The following STX17 variants were observed in gnomAD, a reference collection of about 807,000 sequenced individuals.
STX17 encodes the protein syntaxin 17, also known as syntaxin-17.
STX17 carries 29 observed loss-of-function variants against 35.9 expected under a neutral mutation model. The ratio of observed to expected loss-of-function variants is 0.81; its 90% CI spans 0.60 to 1.10. STX17 has a LOEUF of 1.10. Among genes scored for constraint, STX17 ranks in the 50% least tolerant of loss-of-function variants. The probability of loss-of-function intolerance (pLI) is 0.00; values close to 1 mark genes in which losing one functional copy is unlikely to be tolerated. For synonymous variants in STX17, 92 were observed against 118.3 expected (o/e 0.78, Z 1.44); for missense variants, 312 against 352.3 (o/e 0.89, Z 0.92).
chr9:99,912,447 C>T (rs750776851), intron 1 of STX17, among the ~76,000 whole-genome samples: 3 of 151,720 alleles, frequency 2.0e-5, no homozygotes, highest in African/African-American at 4.8e-5. Flanking sequence ...ATTCTTTGCC[C>T]ACTTTTTAAT....
intron 6 of STX17, among the ~76,000 whole-genome samples, chr9:99,960,689 G>A (rs372309898): frequency 2.6e-4 from 39 of 152,198 alleles, no homozygotes; most frequent in African/African-American, 8.9e-4. Context: ...TGATCCACCC[G>A]CCTCAGCCTC....
chr9:99,912,024 C>T (rs752921335), intron 1 of STX17, among the ~76,000 whole-genome samples: 4 of 152,138 alleles, frequency 2.6e-5, no homozygotes, highest in African/African-American at 4.8e-5. Flanking sequence ...GTCAGGAGTT[C>T]GAGACCAGCT....
intron 1 of STX17, among the ~76,000 whole-genome samples, chr9:99,913,425 C>G (rs761938963): frequency 9.9e-5 from 15 of 151,856 alleles, no homozygotes. Context: ...TGTTTCTTAT[C>G]TATATAATTT....
At chr9:99,948,536 C>T (rs960252318) in intron 3 of STX17, among the ~76,000 whole-genome samples, 17 of 151,948 alleles carry the variant, frequency 1.1e-4, no homozygotes, top group Admixed American at 5.2e-4. Context: ...GCAGTGTAAT[C>T]CTGGGCTACT....
intron 3 of STX17, among the ~76,000 whole-genome samples, chr9:99,945,503 C>T (rs1483913041): frequency 6.6e-6 from 1 of 151,944 alleles, no homozygotes; most frequent in African/African-American, 2.4e-5. Context: ...GTTTTAGATA[C>T]AATCGCTTAA....
At chr9:99,949,366 T>G (rs974468960) in intron 3 of STX17, among the ~76,000 whole-genome samples, 138 of 151,968 alleles carry the variant, frequency 9.1e-4, no homozygotes, top group Non-Finnish European at 1.6e-3. Context: ...ACTAAACTAT[T>G]TTTTTTTCTA....
chr9:99,923,495 C>T (rs1828928009), intron 2 of STX17, among the ~76,000 whole-genome samples: 1 of 152,180 alleles, frequency 6.6e-6, no homozygotes, highest in Non-Finnish European at 1.5e-5. Flanking sequence ...TATACTCTCA[C>T]TCAACAACAA....
In STX17 at chr9:99,951,067, G is replaced by A. The variant is rs774437410; in HGVS notation, c.197G>A (p.Arg66Gln). The A allele has an allele frequency of 6.8e-6, 11 of 1,606,668 alleles. No individual in the cohort carries two copies. The highest frequency in any genetic ancestry group is 3.3e-5 in the South Asian group (3 of 89,758). Residue 66 changes from arginine (R) to glutamine (Q), a missense_variant, in exon 4 of 8, where the codon CGA becomes CAA. Physicochemically the swap from Arg to Gln is conservative, Grantham distance 43. Transcript: ENST00000259400. ...GATTTTTTTCTTTTATAGCAACTCC[G>A]ATCCAATATCCGAGAAATTGAGAAA... ...INAGRTVQQL[R>Q]SNIREIEKLC... is the part of the protein sequence containing the mutation.
chr9:99,967,866 A>G lies in STX17; in HGVS notation c.669+127A>G, dbSNP rs1829947237. On this transcript the variant is annotated intron_variant, in intron 7 of 7. Transcript: ENST00000259400. The stretch of plus-strand genomic sequence containing the variant: ...CAATTAAGGAAATAAGGAAGAAATG[A>G]CACATAGGTAGTGTAAGAAATCAAT... 4.0e-6 allele frequency: 3 copies of G among 755,912 alleles called. No homozygotes were observed. In the East Asian group the frequency reaches 7.7e-5, roughly 20 times the overall value. The allele number at this position is 755,912 out of a possible 1,614,324, so 46.8% of individuals were successfully genotyped here. A position where few individuals can be genotyped will look rare whatever the true frequency, so the allele number is the denominator to read the frequency against.
chr9:99,948,648 G>A (rs187753967), intron 3 of STX17, among the ~76,000 whole-genome samples: 61 of 152,244 alleles, frequency 4.0e-4, no homozygotes, highest in African/African-American at 1.3e-3. Context: ...ACGTAAAGCT[G>A]TTAGCACAAT....
chr9:99,940,007 A>G (rs975906944), intron 3 of STX17, among the ~76,000 whole-genome samples: 1 of 152,186 alleles, frequency 6.6e-6, no homozygotes, highest in Non-Finnish European at 1.5e-5. Context: ...AACTTTACTT[A>G]CAAGATTCTC....
At chr9:99,932,274 C>A (rs528888238) in intron 3 of STX17, among the ~76,000 whole-genome samples, 2 of 152,064 alleles carry the variant, frequency 1.3e-5, no homozygotes, top group African/African-American at 4.8e-5. Context: ...GAAATGAATT[C>A]AAGAGATCAT....
intron 2 of STX17, among the ~76,000 whole-genome samples, chr9:99,923,496 T>C (rs1828928053): frequency 6.6e-6 from 1 of 152,170 alleles, no homozygotes. Flanking sequence ...ATACTCTCAC[T>C]CAACAACAAC....
At chr9:99,962,120 A>G (rs953797169) in intron 6 of STX17, among the ~76,000 whole-genome samples, 3 of 152,086 alleles carry the variant, frequency 2.0e-5, no homozygotes, top group Non-Finnish European at 4.4e-5. Context: ...TCTACAATAT[A>G]ATTTCTAGGC....
intron 2 of STX17, among the ~76,000 whole-genome samples, chr9:99,928,395 G>A (rs928446980): frequency 3.3e-5 from 5 of 151,556 alleles, no homozygotes; most frequent in East Asian, 1.9e-4. Context: ...CATGACAAAC[G>A]TACAATTCTT....
chr9:99,931,018 C>T (rs1231206833), intron 3 of STX17, among the ~76,000 whole-genome samples: 1 of 152,066 alleles, frequency 6.6e-6, no homozygotes, highest in Non-Finnish European at 1.5e-5. Context: ...GCTCTTTCGC[C>T]CAGGCTGGAG....
At chr9:99,941,858 T>C (rs1474644768) in intron 3 of STX17, among the ~76,000 whole-genome samples, 1 of 152,210 alleles carries the variant, frequency 6.6e-6, no homozygotes, top group East Asian at 1.9e-4. Flanking sequence ...ATATTCTATT[T>C]AATGAACATA....
chr9:99,960,244 A>G lies in STX17; in HGVS notation c.582+89A>G, dbSNP rs369732290. On this transcript the variant is annotated intron_variant, in intron 6 of 7. Coordinates refer to ENST00000259400, the MANE Select transcript of STX17 (RefSeq NM_017919.3). ...CACTAGGCTTTTAATTAGAATTTTA[A>G]TAGAACTTATAATTTTTAAGACTGG... 137 of 1,303,894 alleles carry G rather than the reference A, an allele frequency of 1.1e-4. No homozygotes were observed. The East Asian group carries it at 2.6e-3, about 25-fold the overall frequency. 80.8% of individuals were successfully genotyped at this position (1,303,894 alleles called of 1,614,324 possible). A position where few individuals can be genotyped will look rare whatever the true frequency, so the allele number is the denominator to read the frequency against.
rs759800383 is a variant in STX17, at chr9:99,967,853, T to C, written c.669+114T>C. On this transcript the variant is annotated intron_variant, in intron 7 of 7. Coordinates refer to ENST00000259400, the MANE Select transcript of STX17 (RefSeq NM_017919.3). ...TTGAGGGAACCAGCAATTAAGGAAA[T>C]AAGGAAGAAATGACACATAGGTAGT... is the stretch of plus-strand genomic sequence containing the variant. 214 of 876,772 alleles carry C rather than the reference T, an allele frequency of 2.4e-4. 2 individuals carry two copies. The highest frequency in any genetic ancestry group is 3.8e-5 in the Non-Finnish European group (20 of 528,710). 54.3% of individuals were successfully genotyped at this position (876,772 alleles called of 1,614,324 possible).
Sources: allele counts gnomAD v4.1 joint callset (sites outside exome capture counted in the v4.1 genomes callset), GRCh38; gene constraint gnomAD v4.1.1; transcripts MANE v1.5; gene names NCBI Gene and HGNC (gene_info 2026-07-23, HGNC 2026-07-21).